The following RPH3A variants were observed in gnomAD, a reference collection of about 807,000 sequenced individuals.
The protein encoded by RPH3A is rabphilin-3A.
In RPH3A, 48 loss-of-function variants were observed where a neutral mutation model predicts 102.2. The observed-to-expected ratio is 0.47, with a 90% confidence interval of 0.37 to 0.60. The LOEUF is 0.60. Among genes scored for constraint, RPH3A ranks in the 20% least tolerant of loss-of-function variants. The probability of loss-of-function intolerance (pLI) is 0.00; values close to 1 mark genes in which losing one functional copy is unlikely to be tolerated. For missense variants in RPH3A, 781 were observed against 910.1 expected, an observed-to-expected ratio of 0.86 and a Z score of 1.83; for synonymous variants, 310 against 324.3, an observed-to-expected ratio of 0.96 and a Z score of 0.47.
intron 3 of RPH3A, among the ~76,000 whole-genome samples, chr12:112,835,472 G>T (rs2042034106): frequency 6.6e-6 from 1 of 152,180 alleles, no homozygotes; most frequent in African/African-American, 2.4e-5. Context: ...TATCCAAACA[G>T]TCTGGACGCC....
chr12:112,865,632 G>C, intron 6 of RPH3A, 89 bp downstream of exon 6: 1 of 1,421,788 alleles, frequency 7.0e-7, no homozygotes, highest in African/African-American at 1.5e-5. Flanking sequence ...ACTGGGTCTT[G>C]GGGGTGGAGC....
chr12:112,869,153 A>G (rs1248078469), intron 8 of RPH3A: 1 of 153,266 alleles, frequency 6.5e-6, no homozygotes, highest in Non-Finnish European at 1.5e-5. Context: ...TTTAAAAAGC[A>G]ACCATAGTAA....
intron 1 of RPH3A, among the ~76,000 whole-genome samples, chr12:112,695,560 G>C (rs934581188): frequency 1.3e-5 from 2 of 152,208 alleles, no homozygotes; most frequent in African/African-American, 4.8e-5. Flanking sequence ...TCCTACCTCT[G>C]GGTACCAGCC....
intron 7 of RPH3A, 65 bp downstream of exon 7, chr12:112,866,905 C>T: frequency 7.7e-7 from 1 of 1,306,172 alleles, no homozygotes; most frequent in East Asian, 2.5e-5. Flanking sequence ...TAAGAGGTGC[C>T]TTAAGAGGTT....
chr12:112,774,442 G>C (rs919432293), intron 1 of RPH3A, among the ~76,000 whole-genome samples: 1 of 152,192 alleles, frequency 6.6e-6, no homozygotes, highest in Non-Finnish European at 1.5e-5. Context: ...TAGATTGAGA[G>C]TCTGGAGAAC....
Position 112,713,051 on chromosome 12 carries a change from C to CTTCTTCTTCTTCTTCTTCTTCTTCTT in RPH3A, c.-139-79092_-139-79091insTTCTTCTTCTTCTTCTTCTTCTTCTT, listed in dbSNP as rs1555204011. Among the ~76,000 whole-genome samples the CTTCTTCTTCTTCTTCTTCTTCTTCTT allele has an allele frequency of 5.8e-5, 5 of 85,874 alleles. 1 individual carries two copies. The highest frequency in any genetic ancestry group is 3.4e-4 in the East Asian group (1 of 2,978). The allele number at this position is 85,874 out of a possible 152,430, so 56.3% of individuals were successfully genotyped here. On this transcript the variant is annotated intron_variant, in intron 1 of 21. Coordinates refer to the RPH3A transcript ENST00000543106. ...TTCTTCTTCTTCTTCTTCTTCTTCT[C>CTTCTTCTTCTTCTTCTTCTTCTTCTT]CTTCTTCTTCTTCTTCTTCTTCTTC...
chr12:112,844,270 T>C (rs2042195014), intron 4 of RPH3A, among the ~76,000 whole-genome samples: 1 of 152,088 alleles, frequency 6.6e-6, no homozygotes, highest in East Asian at 1.9e-4. Context: ...TGACAAGAGC[T>C]AGAGATGCTC....
At chr12:112,766,370 G>T (rs147786076) in intron 1 of RPH3A, among the ~76,000 whole-genome samples, 1,763 of 152,322 alleles carry the variant, frequency 0.012, 75 homozygotes, top group Admixed American at 0.079. Context: ...AAGTACTCAA[G>T]AAAGGCTAGT....
chr12:112,869,576 CAA>C, intron 8 of RPH3A, 181 bp from the exon 9 acceptor site: 4 of 590,436 alleles, frequency 6.8e-6, no homozygotes, highest in South Asian at 2.2e-5. Flanking sequence ...TTTGTGCATG[CAA>C]AAAAAAATGT....
At chr12:112,865,649 C>T (rs754234423) in intron 6 of RPH3A, 106 bp downstream of exon 6, 2 of 1,245,454 alleles carry the variant, frequency 1.6e-6, no homozygotes, top group Non-Finnish European at 2.2e-6. Context: ...GAGCTTGGAT[C>T]CTGAAGATCA....
intron 1 of RPH3A, among the ~76,000 whole-genome samples, chr12:112,690,241 T>A (rs949464649): frequency 6.6e-6 from 1 of 152,226 alleles, no homozygotes; most frequent in Non-Finnish European, 1.5e-5. Context: ...TGGTTTGAAA[T>A]ATATCCTTCC....
chr12:112,713,039 TCTTCTTCTTCTC>T (rs1436791285), intron 1 of RPH3A, among the ~76,000 whole-genome samples: 1,837 of 85,866 alleles, frequency 0.021, 122 homozygotes, highest in African/African-American at 0.042. Flanking sequence ...TTCTTCTTCT[TCTTCTTCTTCTC>T]CTTCTTCTTC....
intron 1 of RPH3A, among the ~76,000 whole-genome samples, chr12:112,782,809 C>T (rs955772630): frequency 8.5e-5 from 13 of 152,182 alleles, no homozygotes; most frequent in African/African-American, 1.7e-4. Context: ...TTAAATGACC[C>T]CCTGTTGTCA....
At chr12:112,710,099 C>T (rs184210851) in intron 1 of RPH3A, among the ~76,000 whole-genome samples, 2 of 152,038 alleles carry the variant, frequency 1.3e-5, no homozygotes, top group South Asian at 2.1e-4. Context: ...CTCAGCCTCC[C>T]GAGTAGCTGG....
At chr12:112,808,330 C>T (rs1284871995) in intron 2 of RPH3A, among the ~76,000 whole-genome samples, 1 of 152,212 alleles carries the variant, frequency 6.6e-6, no homozygotes, top group Non-Finnish European at 1.5e-5. Flanking sequence ...TTGTCAATAT[C>T]AACATTACCT....
intron 1 of RPH3A, among the ~76,000 whole-genome samples, chr12:112,596,673 T>A (rs529731052): frequency 6.6e-6 from 1 of 152,356 alleles, no homozygotes; most frequent in East Asian, 1.9e-4. Context: ...TTTCCACCCT[T>A]CTTCTATATT....
At chr12:112,848,095 C>G (rs1316780506) in intron 5 of RPH3A, among the ~76,000 whole-genome samples, 1 of 151,962 alleles carries the variant, frequency 6.6e-6, no homozygotes, top group Admixed American at 6.6e-5. Flanking sequence ...TGAGGAGGTT[C>G]TTGGCTGGGG....
chr12:112,630,974 G>A (rs1026094905), intron 1 of RPH3A, among the ~76,000 whole-genome samples: 12 of 152,154 alleles, frequency 7.9e-5, no homozygotes, highest in African/African-American at 2.9e-4. Flanking sequence ...AGATGGGCAG[G>A]TGTGAGGATC....
intron 1 of RPH3A, among the ~76,000 whole-genome samples, chr12:112,651,494 G>T (rs190500999): frequency 6.6e-6 from 1 of 152,274 alleles, no homozygotes; most frequent in East Asian, 1.9e-4. Context: ...TGGTACGTTT[G>T]CTTGTGAGTT....
Sources: allele counts gnomAD v4.1 joint callset (sites outside exome capture counted in the v4.1 genomes callset), GRCh38; gene constraint gnomAD v4.1.1; transcripts MANE v1.5; gene names NCBI Gene and HGNC (gene_info 2026-07-23, HGNC 2026-07-21).